The following CDH18 variants were observed in gnomAD, a reference collection of about 807,000 sequenced individuals.
The protein encoded by CDH18 is cadherin-18.
A neutral mutation model predicts 67.9 loss-of-function variants in CDH18; 31 were observed. The observed-to-expected ratio is 0.46, with a 90% CI of 0.34 to 0.62. The LOEUF (loss-of-function observed/expected upper bound fraction) is 0.62, where lower values mean the gene tolerates loss of function less well. Among genes scored for constraint, CDH18 ranks in the 20% least tolerant of loss-of-function variants. The probability of loss-of-function intolerance (pLI) is 0.01; values close to 1 mark genes in which losing one functional copy is unlikely to be tolerated. For missense variants in CDH18, 890 were observed against 975.5 expected (o/e 0.91, Z 1.17); for synonymous variants, 362 against 347.2 (o/e 1.04, Z -0.48).
chr5:19,985,835 T>C (rs1350961485), intron 1 of CDH18, among the ~76,000 whole-genome samples: 3 of 152,178 alleles, frequency 2.0e-5, no homozygotes, highest in Admixed American at 6.5e-5. Context: ...GTGTCAGATA[T>C]ATGGATTCAA....
intron 4 of CDH18, among the ~76,000 whole-genome samples, chr5:19,735,503 C>T (rs1474430165): frequency 6.6e-6 from 1 of 150,974 alleles, no homozygotes. Context: ...TCACGCCATT[C>T]TCCTGCCTCA....
intron 7 of CDH18, among the ~76,000 whole-genome samples, chr5:19,576,043 G>A (rs1742256600): frequency 6.6e-6 from 1 of 152,096 alleles, no homozygotes; most frequent in Admixed American, 6.5e-5. Context: ...TAGGGGCAGT[G>A]GCAAGCAGAG....
intron 8 of CDH18, among the ~76,000 whole-genome samples, chr5:19,551,417 C>T (rs1737427418): frequency 6.6e-6 from 1 of 152,054 alleles, no homozygotes; most frequent in Non-Finnish European, 1.5e-5. Flanking sequence ...ATAATCACTC[C>T]AGGTTTGAAA....
intron 2 of CDH18, among the ~76,000 whole-genome samples, chr5:20,172,214 A>ACATATATATACGTATATATATATATACG (rs796558819): frequency 3.0e-5 from 1 of 32,848 alleles, no homozygotes; most frequent in African/African-American, 1.2e-4. Context: ...ATATATATAT[A>ACATATATATACGTATATATATATATACG]TATATATATG....
At chr5:20,524,362 A>C (rs1159481587) in intron 1 of CDH18, among the ~76,000 whole-genome samples, 4 of 152,216 alleles carry the variant, frequency 2.6e-5, no homozygotes, top group Admixed American at 2.6e-4. Flanking sequence ...ATGCAATTTT[A>C]ACATATTTTT....
At chr5:20,242,715 C>T (rs1743084557) in intron 2 of CDH18, among the ~76,000 whole-genome samples, 1 of 142,940 alleles carries the variant, frequency 7.0e-6, no homozygotes, top group South Asian at 2.2e-4. Context: ...TTATGAAAAG[C>T]TTTTTTTACA....
At chr5:20,573,821 A>G (rs375273076) in intron 1 of CDH18, among the ~76,000 whole-genome samples, 19 of 11,894 alleles carry the variant, frequency 1.6e-3, no homozygotes, top group African/African-American at 5.8e-3. Flanking sequence ...ATATATATAT[A>G]TATATATATA....
chr5:20,493,553 C>A (rs1452844462), intron 1 of CDH18, among the ~76,000 whole-genome samples: 1 of 151,912 alleles, frequency 6.6e-6, no homozygotes, highest in East Asian at 1.9e-4. Context: ...AGGTGGGGTG[C>A]TGGAGAGCTT....
chr5:19,518,659 C>A (rs1249577628), intron 10 of CDH18, among the ~76,000 whole-genome samples: 2 of 152,140 alleles, frequency 1.3e-5, no homozygotes, highest in African/African-American at 4.8e-5. Flanking sequence ...GATTTGGATT[C>A]TTGGACTTAC....
At chr5:19,984,622 A>C (rs1399104624) in intron 1 of CDH18, among the ~76,000 whole-genome samples, 1 of 152,202 alleles carries the variant, frequency 6.6e-6, no homozygotes, top group South Asian at 2.1e-4. Flanking sequence ...CACTGAATCT[A>C]TGATAATTTA....
At chr5:19,522,912 AAAAAG>A (rs1747151171) in intron 9 of CDH18, among the ~76,000 whole-genome samples, 1 of 151,284 alleles carries the variant, frequency 6.6e-6, no homozygotes, top group African/African-American at 2.4e-5. Context: ...AAAAAAAAAA[AAAAAG>A]GAGAGTTGCT....
At chr5:20,132,426 T>C (rs1749343486) in intron 2 of CDH18, among the ~76,000 whole-genome samples, 1 of 152,196 alleles carries the variant, frequency 6.6e-6, no homozygotes, top group African/African-American at 2.4e-5. Flanking sequence ...TTTTTCATAA[T>C]TAATGAACCA....
chr5:20,546,418 G>C (rs1003461935), intron 1 of CDH18, among the ~76,000 whole-genome samples: 3 of 151,932 alleles, frequency 2.0e-5, no homozygotes, highest in African/African-American at 7.3e-5. Flanking sequence ...AACTACTTGA[G>C]ACTGGTTAAT....
intron 2 of CDH18, among the ~76,000 whole-genome samples, chr5:19,935,476 T>C (rs1794136760): frequency 6.6e-6 from 1 of 151,226 alleles, no homozygotes; most frequent in African/African-American, 2.4e-5. Flanking sequence ...ACCAATACCA[T>C]TGTATAGCAA....
chr5:19,790,850 C>T (rs1776281295), intron 3 of CDH18, among the ~76,000 whole-genome samples: 1 of 152,008 alleles, frequency 6.6e-6, no homozygotes, highest in Non-Finnish European at 1.5e-5. Context: ...TGAAAAGAAC[C>T]AGACAGACTT....
intron 2 of CDH18, among the ~76,000 whole-genome samples, chr5:20,128,417 C>A (rs1000225246): frequency 6.6e-6 from 1 of 152,004 alleles, no homozygotes; most frequent in African/African-American, 2.4e-5. Context: ...TTTTGTGATA[C>A]GTAAATTACT....
chr5:19,527,348 T>A (rs2126952237), intron 9 of CDH18, among the ~76,000 whole-genome samples: 1 of 151,836 alleles, frequency 6.6e-6, no homozygotes, highest in South Asian at 2.1e-4. Flanking sequence ...ATAATACTAT[T>A]AAATCTACTT....
chr5:20,195,569 T>C (rs563056302), intron 2 of CDH18, among the ~76,000 whole-genome samples: 2 of 152,188 alleles, frequency 1.3e-5, no homozygotes, highest in East Asian at 3.9e-4. Flanking sequence ...ATAAATTCAT[T>C]GGTATATCTA....
In CDH18 at chr5:20,150,708, T is replaced by C. The variant is rs1751028931; in HGVS notation, c.-518+104736A>G. On this transcript the variant is annotated intron_variant, in intron 2 of 14. Coordinates refer to the CDH18 transcript ENST00000507958. ...ATGTGAAGACTGAATAGCTGCCTATTGCAAAGATCTACCATAGATAGATCC... is the reference window on the plus strand; with the variant it reads ...ATGTGAAGACTGAATAGCTGCCTATCGCAAAGATCTACCATAGATAGATCC... Among the ~76,000 whole-genome samples, 4 of 152,028 alleles carry C rather than the reference T, an allele frequency of 2.6e-5. No homozygotes were observed. The South Asian group carries it at 8.3e-4, about 31-fold the overall frequency.
Sources: gnomAD v4.1 joint callset for allele counts (sites outside exome capture counted in the v4.1 genomes callset) on GRCh38, gnomAD v4.1.1 for gene constraint, MANE v1.5 for transcripts, NCBI Gene and HGNC (gene_info 2026-07-23, HGNC 2026-07-21) for gene names.